The following PPP2R5A variants were observed in gnomAD, a reference collection of about 807,000 sequenced individuals.
PPP2R5A encodes the protein protein phosphatase 2 regulatory subunit B'alpha.
In PPP2R5A, 25 loss-of-function variants were observed where a neutral mutation model predicts 64.2. The ratio of observed to expected loss-of-function variants is 0.39; its 90% confidence interval spans 0.28 to 0.54. The LOEUF (loss-of-function observed/expected upper bound fraction) is 0.54, where lower values mean the gene tolerates loss of function less well. Among genes scored for constraint, PPP2R5A ranks in the 20% least tolerant of loss-of-function variants. PPP2R5A has a pLI of 0.67. For synonymous variants in PPP2R5A, 198 were observed against 201.2 expected (o/e 0.98, Z 0.13); for missense variants, 425 against 576.3 (o/e 0.74, Z 2.69).
intron 8 of PPP2R5A, among the ~76,000 whole-genome samples, chr1:212,351,114 CAAA>C (rs906177451): frequency 1.3e-5 from 1 of 77,398 alleles, no homozygotes; most frequent in Non-Finnish European, 3.3e-5. Flanking sequence ...AAAAAAAAAA[CAAA>C]AAAACAAAAA....
At chr1:212,355,485 G>T (rs1659962035) in intron 8 of PPP2R5A, among the ~76,000 whole-genome samples, 1 of 152,020 alleles carries the variant, frequency 6.6e-6, no homozygotes, top group Non-Finnish European at 1.5e-5. Context: ...AGCTGTCAAA[G>T]ATCTATTTCC....
At position 212,286,243 on chromosome 1, in the gene PPP2R5A, CGCAGCCAGG is replaced by C. The variant is rs973374142; in HGVS notation, c.143_151del (p.Gly48_Gln50del). On this transcript the variant is annotated inframe_deletion, in exon 1 of 13. Transcript: ENST00000261461. ...GCGCTCCCAGGGCTCGTCGCAGTTT[CGCAGCCAGG>C]GCAGCCAGGCAGAGCTGCACCCGCT... The C allele has an allele frequency of 1.9e-6, 3 of 1,554,124 alleles. No individual in the cohort carries two copies. Among genetic ancestry groups the C allele is most frequent in the Non-Finnish European group, 2.6e-6 (3 of 1,151,884 alleles).
chr1:212,320,094 C>G (rs1056167363), intron 1 of PPP2R5A, among the ~76,000 whole-genome samples: 1 of 151,606 alleles, frequency 6.6e-6, no homozygotes, highest in South Asian at 2.1e-4. Flanking sequence ...ACCCTGCGGC[C>G]TTCCGCAGTG....
intron 11 of PPP2R5A, 57 bp downstream of exon 11, chr1:212,357,341 G>A: frequency 7.4e-7 from 1 of 1,352,238 alleles, no homozygotes; most frequent in Non-Finnish European, 9.7e-7. Context: ...ATATCTTTTT[G>A]TTATTGATTT....
intron 3 of PPP2R5A, 51 bp from the exon 4 acceptor site, chr1:212,342,113 TTTTAATATGAAGTGATTATTTAGG>T: frequency 6.6e-7 from 1 of 1,526,430 alleles, no homozygotes; most frequent in Non-Finnish European, 8.8e-7. Context: ...AAAGGTGTGT[TTTTAATATGAAGTGATTATTTAGG>T]GTAATATTCT....
Position 212,329,263 on chromosome 1 carries a change from C to T in PPP2R5A, c.310C>T (p.Leu104=), listed in dbSNP as rs1465942539. The change falls in exon 2 of 13, where the codon CTG becomes TTG. Residue 104 remains leucine (L), a synonymous_variant. Transcript: ENST00000261461. ...AATTAAAAGAGCAACACTGAATGAA[C>T]TGGTTGAGTATGTTTCAACTAATCG... ...KEIKRATLNE[L]VEYVSTNRGV... is the part of the protein sequence containing the mutation. 2 of 1,612,450 alleles carry T rather than the reference C, an allele frequency of 1.2e-6. No homozygotes were observed. Among genetic ancestry groups the T allele is most frequent in the Non-Finnish European group, 8.5e-7 (1 of 1,179,536 alleles).
At chr1:212,321,202 C>G (rs1270145122) in intron 1 of PPP2R5A, among the ~76,000 whole-genome samples, 6 of 147,242 alleles carry the variant, frequency 4.1e-5, no homozygotes, top group Admixed American at 2.7e-4. Flanking sequence ...CTGACCCCCC[C>G]ACATCCTTCC....
intron 2 of PPP2R5A, 102 bp from the exon 3 acceptor site, chr1:212,333,395 C>G (rs1329390621): frequency 4.5e-6 from 3 of 659,750 alleles, no homozygotes; most frequent in Non-Finnish European, 7.1e-6. Flanking sequence ...AAGCTTACAG[C>G]TATAACTTTT....
At chr1:212,338,669 C>T (rs938074428) in intron 3 of PPP2R5A, among the ~76,000 whole-genome samples, 1 of 152,098 alleles carries the variant, frequency 6.6e-6, no homozygotes, top group African/African-American at 2.4e-5. Flanking sequence ...CGCCTCTAAT[C>T]CCAGCTACTC....
At chr1:212,309,057 C>G (rs1658974696) in intron 1 of PPP2R5A, 1 of 775,680 alleles carries the variant, frequency 1.3e-6, no homozygotes, top group East Asian at 2.4e-5. Flanking sequence ...TTTAGATGAT[C>G]TCGATTTTGT....
chr1:212,348,431 A>G lies in PPP2R5A; in HGVS notation c.807A>G (p.Lys269=). 1 of 1,611,366 alleles carries G rather than the reference A, an allele frequency of 6.2e-7. No homozygotes were observed. The highest frequency in any genetic ancestry group is 8.5e-7 in the Non-Finnish European group (1 of 1,178,140). The change falls in exon 7 of 13, where the codon AAA becomes AAG. Residue 269 remains lysine, a synonymous_variant. Coordinates refer to ENST00000261461, the MANE Select transcript of PPP2R5A (RefSeq NM_006243.4). ...CATTGCCACTGAAAGCAGAACATAA[A>G]CAATTTCTAATGAAGGTTCTTATTC... The part of the protein sequence containing the change: ...GFALPLKAEH[K]QFLMKVLIPM...
chr1:212,322,755 T>A (rs1031300379), intron 1 of PPP2R5A, among the ~76,000 whole-genome samples: 5 of 147,010 alleles, frequency 3.4e-5, no homozygotes, highest in Non-Finnish European at 7.5e-5. Flanking sequence ...TTAATTCTCA[T>A]TTTATTTATT....
chr1:212,328,634 T>C (rs1659448090), intron 1 of PPP2R5A, among the ~76,000 whole-genome samples: 1 of 151,952 alleles, frequency 6.6e-6, no homozygotes, highest in African/African-American at 2.4e-5. Flanking sequence ...GATTTTGAGG[T>C]TGTTTGGAGG....
rs190152302 is a variant in PPP2R5A at position 212,342,548 on chromosome 1, C to G, written c.573+268C>G. ...ATTTTATAAATACCAGAAAAACAAG[C>G]CTTTCTGCAGTATCTGAGAAAATGT... On this transcript the variant is annotated intron_variant, in intron 4 of 12. Transcript: ENST00000261461. Among the ~76,000 whole-genome samples, 362 of 152,274 alleles carry G rather than the reference C, an allele frequency of 2.4e-3. 2 individuals carry two copies. The highest frequency in any genetic ancestry group is 2.5e-3 in the Non-Finnish European group (171 of 68,024).
At chr1:212,316,582 G>A (rs1405868651) in intron 1 of PPP2R5A, among the ~76,000 whole-genome samples, 2 of 73,056 alleles carry the variant, frequency 2.7e-5, no homozygotes, top group African/African-American at 8.2e-5. Context: ...AACCTTTGTG[G>A]GTGACTTTTT....
intron 2 of PPP2R5A, chr1:212,331,308 A>C (rs1315068009): frequency 2.7e-5 from 4 of 150,618 alleles, no homozygotes; most frequent in Admixed American, 6.6e-5. Flanking sequence ...CTACAAGCAT[A>C]CACCACCATG....
At chr1:212,337,941 TAAATC>T (rs1440738189) in intron 3 of PPP2R5A, among the ~76,000 whole-genome samples, 7 of 152,196 alleles carry the variant, frequency 4.6e-5, no homozygotes, top group African/African-American at 1.7e-4. Flanking sequence ...TTTTATATAT[TAAATC>T]AATTAAAAAC....
In PPP2R5A at chr1:212,356,931, T is replaced by G; in HGVS notation, c.979-19T>G. ...ACATAATTTATCATGTTTCTTAAAATAAAATTTTTTTAACCTAGGTGATGT... is the reference window on the plus strand; with the variant it reads ...ACATAATTTATCATGTTTCTTAAAAGAAAATTTTTTTAACCTAGGTGATGT... On this transcript the variant is annotated intron_variant, in intron 9 of 12. Coordinates refer to ENST00000261461, the MANE Select transcript of PPP2R5A (RefSeq NM_006243.4). The G allele has an allele frequency of 6.7e-7, 1 of 1,495,638 alleles. No individual in the cohort carries two copies. Among genetic ancestry groups the G allele is most frequent in the African/African-American group, 1.4e-5 (1 of 70,638 alleles). The allele number at this position is 1,495,638 out of a possible 1,614,324, so 92.6% of individuals were successfully genotyped here.
intron 7 of PPP2R5A, among the ~76,000 whole-genome samples, chr1:212,348,874 G>A (rs1174432710): frequency 2.0e-5 from 3 of 152,110 alleles, no homozygotes; most frequent in Non-Finnish European, 4.4e-5. Flanking sequence ...ATCAGCATAG[G>A]TGTACATGTA....
Sources: allele counts gnomAD v4.1 joint callset (sites outside exome capture counted in the v4.1 genomes callset), GRCh38; gene constraint gnomAD v4.1.1; transcripts MANE v1.5; gene names NCBI Gene and HGNC (gene_info 2026-07-23, HGNC 2026-07-21).